PCDHGA2: variants seen among roughly 807,000 people sequenced by gnomAD.
PCDHGA2 encodes protocadherin gamma-A2.
Under a neutral mutation model 59.2 loss-of-function variants are expected in PCDHGA2, and 40 were observed. That is an observed-to-expected ratio of 0.68 (90% CI 0.52 to 0.88). The LOEUF is 0.88. Ranked by LOEUF, PCDHGA2 falls within the 40% of genes least tolerant of loss-of-function variation. The probability of loss-of-function intolerance (pLI) is 0.00; values close to 1 mark genes in which losing one functional copy is unlikely to be tolerated. For synonymous variants in PCDHGA2, 560 were observed against 526.0 expected, an observed-to-expected ratio of 1.06 and a Z score of -0.89; for missense variants, 1,226 against 1,204.0, an observed-to-expected ratio of 1.02 and a Z score of -0.27.
chr5:141,413,850 C>G (rs2095685833), intron 1 of PCDHGA2: 3 of 1,613,244 alleles, frequency 1.9e-6, no homozygotes, highest in East Asian at 2.2e-5. Context: ...GTGACCCTCT[C>G]CGATCTGGCA....
chr5:141,364,302 C>A (rs1763258341), intron 1 of PCDHGA2: 1 of 1,521,598 alleles, frequency 6.6e-7, no homozygotes, highest in African/African-American at 1.4e-5. Context: ...TGAACCAGAA[C>A]TAAGAGAAAA....
At chr5:141,361,458 C>G in intron 1 of PCDHGA2, 1 of 1,614,054 alleles carries the variant, frequency 6.2e-7, no homozygotes, top group Non-Finnish European at 8.5e-7. Flanking sequence ...TCACCCTGCA[C>G]ATCTCCGACG....
intron 1 of PCDHGA2, chr5:141,342,829 T>C (rs1190142111): frequency 2.0e-5 from 3 of 152,194 alleles, no homozygotes; most frequent in Non-Finnish European, 4.4e-5. Context: ...TTCTGGAACA[T>C]AAAAGCTTAT....
At position 141,455,301 on chromosome 5, in the gene PCDHGA2, T is replaced by G. The variant is rs192443408; in HGVS notation, c.2425-39506T>G. Among the ~76,000 whole-genome samples, 191 of 152,308 alleles carry G rather than the reference T, an allele frequency of 1.3e-3. 1 individual carries two copies. Among genetic ancestry groups the G allele is most frequent in the African/African-American group, 4.4e-3 (181 of 41,566 alleles). On this transcript the variant is annotated intron_variant, in intron 1 of 3. Transcript: ENST00000394576. ...AACATCACTTTACATAGTTTCATCT[T>G]GCATTAGCAATTTTGTGTGTGTGTT...
intron 1 of PCDHGA2, chr5:141,344,897 C>T (rs1757488532): frequency 1.2e-6 from 2 of 1,613,718 alleles, no homozygotes; most frequent in Non-Finnish European, 1.7e-6. Context: ...CTGGGAAAAT[C>T]GCTGAGATTT....
intron 1 of PCDHGA2, chr5:141,392,821 C>G: frequency 6.3e-7 from 1 of 1,594,632 alleles, no homozygotes; most frequent in Non-Finnish European, 8.5e-7. Context: ...ACAATGGCCG[C>G]TCCACAGAGT....
chr5:141,473,374 G>A (rs1437989884), intron 1 of PCDHGA2, among the ~76,000 whole-genome samples: 1 of 152,204 alleles, frequency 6.6e-6, no homozygotes, highest in African/African-American at 2.4e-5. Context: ...AAATAGCATG[G>A]TCCCTGCCCT....
At chr5:141,436,467 A>G (rs2097825090) in intron 1 of PCDHGA2, among the ~76,000 whole-genome samples, 1 of 152,216 alleles carries the variant, frequency 6.6e-6, no homozygotes, top group South Asian at 2.1e-4. Flanking sequence ...GAATTTTCAG[A>G]TGTATCATAG....
At chr5:141,433,264 G>T in intron 1 of PCDHGA2, 1 of 1,314,872 alleles carries the variant, frequency 7.6e-7, no homozygotes, top group South Asian at 1.4e-5. Flanking sequence ...TACGATCATA[G>T]CTCACTGCAG....
chr5:141,443,118 C>A (rs1474257262), intron 1 of PCDHGA2, among the ~76,000 whole-genome samples: 1 of 151,762 alleles, frequency 6.6e-6, no homozygotes, highest in Non-Finnish European at 1.5e-5. Flanking sequence ...GCTTTTCAAA[C>A]CAGATTAAGA....
At chr5:141,371,652 G>A (rs1158442459) in intron 1 of PCDHGA2, 1 of 1,614,048 alleles carries the variant, frequency 6.2e-7, no homozygotes, top group East Asian at 2.2e-5. Flanking sequence ...AGAATACAAT[G>A]TGACGATCAC....
intron 1 of PCDHGA2, among the ~76,000 whole-genome samples, chr5:141,488,115 G>A (rs936010936): frequency 1.4e-4 from 21 of 152,298 alleles, no homozygotes; most frequent in Middle Eastern, 3.4e-3. Flanking sequence ...TTGAAACATA[G>A]AGACAGCAGA....
rs752604165 is a variant in PCDHGA2, at chr5:141,494,771, G to A, written c.2425-36G>A. On this transcript the variant is annotated intron_variant, in intron 1 of 3. Coordinates refer to ENST00000394576, the MANE Select transcript of PCDHGA2 (RefSeq NM_018915.4). ...CTCGGGTGACATTCTAACTTCTCAC[G>A]GGTACTCAGCCCCTTTCCCTCTGTT... 74 of 1,613,730 alleles carry A rather than the reference G, an allele frequency of 4.6e-5. No homozygotes were observed. The East Asian group carries it at 1.6e-3, about 36-fold the overall frequency.
chr5:141,463,438 CTTTTTTTTTTTT>C (rs71576115), intron 1 of PCDHGA2, among the ~76,000 whole-genome samples: 6 of 103,254 alleles, frequency 5.8e-5, no homozygotes, highest in Admixed American at 3.1e-4. Flanking sequence ...TTTCCTTCTC[CTTTTTTTTTTTT>C]TTTTTTTTTT....
intron 1 of PCDHGA2, among the ~76,000 whole-genome samples, chr5:141,484,369 G>A (rs1218433750): frequency 6.6e-6 from 1 of 152,164 alleles, no homozygotes; most frequent in Non-Finnish European, 1.5e-5. Flanking sequence ...TGTATCACTA[G>A]CAAATGTCTG....
chr5:141,426,879 G>T, intron 1 of PCDHGA2: 1 of 456,710 alleles, frequency 2.2e-6, no homozygotes. Flanking sequence ...GAAGCCCCTG[G>T]GCCAGGAGCA....
intron 1 of PCDHGA2, among the ~76,000 whole-genome samples, chr5:141,448,146 C>G (rs1375402473): frequency 6.6e-6 from 1 of 151,942 alleles, no homozygotes; most frequent in Non-Finnish European, 1.5e-5. Flanking sequence ...ATACCTCAGA[C>G]TCACCCCTGA....
intron 1 of PCDHGA2, chr5:141,370,540 A>C (rs1443482874): frequency 1.9e-6 from 3 of 1,613,508 alleles, no homozygotes; most frequent in African/African-American, 1.3e-5. Context: ...CTGGTAGGGA[A>C]CCTCGCCAAG....
chr5:141,427,568 T>A (rs1260622772), intron 1 of PCDHGA2: 1 of 660,576 alleles, frequency 1.5e-6, no homozygotes, highest in Admixed American at 2.1e-5. Flanking sequence ...AGGGCAAGCC[T>A]CCGCTCTCAT....
Sources: gnomAD v4.1 joint callset for allele counts (sites outside exome capture counted in the v4.1 genomes callset) on GRCh38, gnomAD v4.1.1 for gene constraint, MANE v1.5 for transcripts, NCBI Gene and HGNC (gene_info 2026-07-23, HGNC 2026-07-21) for gene names.